The following MOB4 variants were observed in gnomAD, a reference collection of about 807,000 sequenced individuals.
MOB4 encodes the protein MOB family member 4, phocein, also known as MOB-like protein phocein.
Under a neutral mutation model 32.2 loss-of-function variants are expected in MOB4, and 4 were observed. That is an observed-to-expected ratio of 0.12 (90% confidence interval 0.06 to 0.28). The LOEUF is 0.28. Among genes scored for constraint, MOB4 ranks in the 10% least tolerant of loss-of-function variants. MOB4 has a pLI of 1.00. For missense variants in MOB4, 158 were observed against 271.2 expected (o/e 0.58, Z 2.93); for synonymous variants, 88 against 88.1 (o/e 1.00, Z 0.01).
At chr2:197,544,042 GTTTC>G (rs1361001924) in intron 5 of MOB4, among the ~76,000 whole-genome samples, 14 of 150,742 alleles carry the variant, frequency 9.3e-5, no homozygotes, top group South Asian at 4.2e-4. Context: ...GCCCAGCCGA[GTTTC>G]TTTCTTTTTT....
chr2:197,518,176 G>A (rs971817137), intron 1 of MOB4, among the ~76,000 whole-genome samples: 1 of 151,828 alleles, frequency 6.6e-6, no homozygotes, highest in Non-Finnish European at 1.5e-5. Flanking sequence ...GAGAGTAGGT[G>A]GAGTATCTTC....
chr2:197,529,025 G>T (rs1277906475), intron 2 of MOB4, among the ~76,000 whole-genome samples: 1 of 150,564 alleles, frequency 6.6e-6, no homozygotes, highest in Non-Finnish European at 1.5e-5. Context: ...GCAGTGGCGC[G>T]ATCTCGGCTC....
chr2:197,545,567 T>C lies in MOB4; in HGVS notation c.355-2769T>C, dbSNP rs190008672. On this transcript the variant is annotated intron_variant, in intron 5 of 7. Transcript: ENST00000323303. ...AACATACAGTACGGCATTTTGTATA[T>C]ATTAAAAACATTAAAGGCTAAAAAG... 3.3e-3 allele frequency among the ~76,000 whole-genome samples: 499 copies of C among 152,320 alleles called. 3 individuals are homozygous for C. The highest frequency in any genetic ancestry group is 0.011 in the African/African-American group (473 of 41,556).
At chr2:197,549,484 A>G (rs59501252) in intron 6 of MOB4, among the ~76,000 whole-genome samples, 2,754 of 152,288 alleles carry the variant, frequency 0.018, 82 homozygotes, top group African/African-American at 0.064. Context: ...CTGTGTATAC[A>G]TATTTTAAAA....
At chr2:197,529,863 G>A (rs1192792628) in intron 2 of MOB4, among the ~76,000 whole-genome samples, 11 of 151,178 alleles carry the variant, frequency 7.3e-5, no homozygotes, top group South Asian at 2.1e-4. Flanking sequence ...CATGTTGGCC[G>A]GAATGGTCTC....
At chr2:197,531,023 T>C (rs1214244631) in intron 2 of MOB4, among the ~76,000 whole-genome samples, 1 of 151,820 alleles carries the variant, frequency 6.6e-6, no homozygotes, top group African/African-American at 2.4e-5. Context: ...AATTTATCAT[T>C]TTTGCTATTT....
At chr2:197,531,617 G>A (rs1039634398) in intron 2 of MOB4, among the ~76,000 whole-genome samples, 1 of 152,058 alleles carries the variant, frequency 6.6e-6, no homozygotes, top group Non-Finnish European at 1.5e-5. Context: ...CCAGGCTGGA[G>A]TGCAGTGGCA....
At chr2:197,531,246 G>A (rs201035720) in intron 2 of MOB4, among the ~76,000 whole-genome samples, 4 of 151,498 alleles carry the variant, frequency 2.6e-5, no homozygotes, top group Non-Finnish European at 5.9e-5. Flanking sequence ...GGGTTTCACC[G>A]TGTTAGCCAG....
At chr2:197,537,945 A>G (rs1168914759) in intron 3 of MOB4, among the ~76,000 whole-genome samples, 1 of 151,968 alleles carries the variant, frequency 6.6e-6, no homozygotes, top group Non-Finnish European at 1.5e-5. Context: ...ATGCCCAGCT[A>G]ATTTTTGTAT....
intron 5 of MOB4, among the ~76,000 whole-genome samples, chr2:197,541,779 C>T (rs897009131): frequency 6.6e-6 from 1 of 151,866 alleles, no homozygotes; most frequent in Non-Finnish European, 1.5e-5. Flanking sequence ...ATTAGCCGGG[C>T]GTAGTGGCGG....
At chr2:197,515,679 T>G, upstream of MOB4, 2 of 198,574 alleles carry the variant, frequency 1.0e-5, no homozygotes, top group South Asian at 1.5e-4. Flanking sequence ...AAGTATTTGC[T>G]TGCAGGTGGG....
intron 5 of MOB4, among the ~76,000 whole-genome samples, chr2:197,547,116 A>G (rs1476979132): frequency 6.8e-6 from 1 of 147,656 alleles, no homozygotes; most frequent in Non-Finnish European, 1.5e-5. Context: ...GGAAGAGAAA[A>G]TATATTTGCC....
intron 3 of MOB4, among the ~76,000 whole-genome samples, chr2:197,536,503 T>G (rs924329602): frequency 6.6e-6 from 1 of 152,068 alleles, no homozygotes; most frequent in Non-Finnish European, 1.5e-5. Flanking sequence ...CTGGGTTTTA[T>G]TCTTATTTCA....
chr2:197,538,347 T>G (rs1333024656), intron 3 of MOB4, among the ~76,000 whole-genome samples: 1 of 152,018 alleles, frequency 6.6e-6, no homozygotes, highest in Non-Finnish European at 1.5e-5. Flanking sequence ...TTCTTTTATC[T>G]CTTTATTGTA....
intron 1 of MOB4, 194 bp downstream of exon 1, chr2:197,516,340 G>A: frequency 7.0e-7 from 1 of 1,427,128 alleles, no homozygotes; most frequent in Non-Finnish European, 9.2e-7. Context: ...GAGGCCTGCG[G>A]AGCTCCGACC....
At position 197,553,509 on chromosome 2, in the gene MOB4, C is replaced by T. The variant is rs1268562710; in HGVS notation, c.*2863C>T. ...CATTTATTGGTTGATGTCAAATTCA[C>T]TGTAATAGTAGAACTAAGTTTTTTA... is the stretch of plus-strand genomic sequence containing the variant. On this transcript the variant is annotated 3_prime_UTR_variant, in exon 8 of 8. Transcript: ENST00000323303. The T allele has an allele frequency of 6.6e-6, 1 of 152,074 alleles. No individual in the cohort carries two copies. The highest frequency in any genetic ancestry group is 6.5e-5 in the Admixed American group (1 of 15,268). The allele number at this position is 152,074 out of a possible 1,614,324, so 9.4% of individuals were successfully genotyped here. A position where few individuals can be genotyped will look rare whatever the true frequency, so the allele number is the denominator to read the frequency against.
At chr2:197,531,841 CCTT>C (rs2086711562) in intron 2 of MOB4, among the ~76,000 whole-genome samples, 1 of 152,034 alleles carries the variant, frequency 6.6e-6, no homozygotes, top group African/African-American at 2.4e-5. Context: ...CCTCGTCCAG[CCTT>C]CTTAGCTGAT....
chr2:197,534,759 G>A (rs1471197878), intron 2 of MOB4, among the ~76,000 whole-genome samples: 1 of 152,094 alleles, frequency 6.6e-6, no homozygotes, highest in Non-Finnish European at 1.5e-5. Flanking sequence ...TAGCCAGGAT[G>A]GTCTCGATTT....
At chr2:197,515,983 G>A (rs2086402034), upstream of MOB4, 1 of 1,233,586 alleles carries the variant, frequency 8.1e-7, no homozygotes, top group African/African-American at 1.6e-5. Context: ...TCCGTCAGCT[G>A]CCGCTCCTCC....
Sources: allele counts gnomAD v4.1 joint callset (sites outside exome capture counted in the v4.1 genomes callset), GRCh38; gene constraint gnomAD v4.1.1; transcripts MANE v1.5; gene names NCBI Gene and HGNC (gene_info 2026-07-23, HGNC 2026-07-21).